GRHL3: variants seen among roughly 807,000 people sequenced by gnomAD.
GRHL3 encodes grainyhead-like protein 3 homolog.
Under a neutral mutation model 70.3 loss-of-function variants are expected in GRHL3, and 20 were observed. The observed-to-expected ratio is 0.28, with a 90% confidence interval of 0.20 to 0.41. The LOEUF is 0.41. GRHL3 is among the 10% of genes least tolerant of loss of function. The pLI, the probability that GRHL3 is intolerant of heterozygous loss-of-function variation, is 1.00. For missense variants in GRHL3, 637 were observed against 762.3 expected (o/e 0.84, Z 1.94); for synonymous variants, 299 against 299.9 (o/e 1.00, Z 0.03).
chr1:24,353,858 T>C (rs1010939209), intron 15 of GRHL3, among the ~76,000 whole-genome samples: 2 of 152,050 alleles, frequency 1.3e-5, no homozygotes, highest in Non-Finnish European at 2.9e-5. Context: ...CTCAAGTCTA[T>C]CGGACAATCC....
chr1:24,336,002 C>T (rs1464264037), intron 3 of GRHL3, among the ~76,000 whole-genome samples: 1 of 152,174 alleles, frequency 6.6e-6, no homozygotes, highest in Admixed American at 6.5e-5. Context: ...TCCTATAATC[C>T]TGTACCCCTC....
At chr1:24,344,485 G>GGAAAA (rs1640167015) in intron 11 of GRHL3, among the ~76,000 whole-genome samples, 1 of 55,778 alleles carries the variant, frequency 1.8e-5, no homozygotes, top group African/African-American at 6.5e-5. Flanking sequence ...TTTCCCCCCA[G>GGAAAA]AAAAAAAAAA....
Position 24,354,400 on chromosome 1 carries a change from T to A in GRHL3, c.1721T>A (p.Ile574Asn). The change falls in exon 16 of 16, where the codon ATC becomes AAC. Residue 574 changes from isoleucine (I) to asparagine (N), a missense_variant. Ile to Asn is a moderately radical substitution (Grantham distance 149). Coordinates refer to ENST00000361548, the MANE Select transcript of GRHL3 (RefSeq NM_198173.3). ...ATCTTAGTCAACATGGACAACAACA[T>A]CATTCAGCATTACAGCAACCACGTC... The part of the protein sequence containing the change: ...RGILVNMDNN[I>N]IQHYSNHVAF... The A allele has an allele frequency of 6.2e-7, 1 of 1,613,526 alleles. No homozygotes were observed. Among genetic ancestry groups the A allele is most frequent in the Non-Finnish European group, 8.5e-7 (1 of 1,179,502 alleles).
chr1:24,337,844 C>T, intron 6 of GRHL3, 55 bp downstream of exon 6: 1 of 1,609,134 alleles, frequency 6.2e-7, no homozygotes, highest in Non-Finnish European at 8.5e-7. Flanking sequence ...GATATACCTC[C>T]TCCTTGGGCT....
chr1:24,362,986 A>G (rs545823022), intron 15 of GRHL3, among the ~76,000 whole-genome samples: 2 of 152,306 alleles, frequency 1.3e-5, no homozygotes, highest in African/African-American at 4.8e-5. Flanking sequence ...TCCCCCTTCA[A>G]AACACCTCCA....
chr1:24,335,983 A>C (rs773020254), intron 3 of GRHL3, among the ~76,000 whole-genome samples: 19 of 152,290 alleles, frequency 1.2e-4, no homozygotes, highest in Non-Finnish European at 2.2e-4. Context: ...TATAAAGTAA[A>C]AAAAAAATTC....
At chr1:24,345,260 C>CCCTCCACACCTGTGCA in intron 12 of GRHL3, among the ~76,000 whole-genome samples, 1 of 98,128 alleles carries the variant, frequency 1.0e-5, no homozygotes, top group East Asian at 3.0e-4. Context: ...CACCTGTGCC[C>CCCTCCACACCTGTGCA]CCTCCACACC....
At chr1:24,351,000 TG>T (rs1245433975) in intron 15 of GRHL3, among the ~76,000 whole-genome samples, 1 of 152,192 alleles carries the variant, frequency 6.6e-6, no homozygotes, top group African/African-American at 2.4e-5. Context: ...TTCACCAGCC[TG>T]GCATAGGGCC....
At chr1:24,350,805 C>T (rs1423085455) in intron 15 of GRHL3, among the ~76,000 whole-genome samples, 1 of 152,230 alleles carries the variant, frequency 6.6e-6, no homozygotes, top group Non-Finnish European at 1.5e-5. Context: ...AAGCTGTACC[C>T]TCCAGGGGGC....
At chr1:24,361,152 G>C (rs1641086768) in intron 15 of GRHL3, 2 of 1,044,146 alleles carry the variant, frequency 1.9e-6, no homozygotes, top group African/African-American at 1.6e-5. Flanking sequence ...GAAGAGGACT[G>C]GTCACGGCAC....
At chr1:24,325,587 C>T (rs980760194) in intron 1 of GRHL3, among the ~76,000 whole-genome samples, 4 of 152,166 alleles carry the variant, frequency 2.6e-5, no homozygotes, top group Non-Finnish European at 4.4e-5. Flanking sequence ...TGGGATGAAA[C>T]CCCACTTTAC....
chr1:24,340,079 GA>G (rs1219109061), intron 8 of GRHL3, among the ~76,000 whole-genome samples: 2 of 152,168 alleles, frequency 1.3e-5, no homozygotes, highest in African/African-American at 4.8e-5. Flanking sequence ...GAGCAGGTGA[GA>G]TAAGTAAAAG....
At position 24,326,053 on chromosome 1, in the gene GRHL3, C is replaced by T. The variant is rs945538930; in HGVS notation, c.18-5373C>T. 3.9e-5 allele frequency among the ~76,000 whole-genome samples: 6 copies of T among 152,334 alleles called. No individual in the cohort carries two copies. In the South Asian group the frequency reaches 1.2e-3, roughly 32 times the overall value. On this transcript the variant is annotated intron_variant, in intron 1 of 15. Coordinates refer to ENST00000361548, the MANE Select transcript of GRHL3 (RefSeq NM_198173.3). ...ATGAGGACAGTCATAACTTCCCTCC[C>T]TACCTGACAGGGGCGTTGTAAGATC... is the stretch of plus-strand genomic sequence containing the variant.
At position 24,354,928 on chromosome 1, in the gene GRHL3, C is replaced by T. The variant is rs1640658317; in HGVS notation, c.*440C>T. 1 of 156,554 alleles carries T rather than the reference C, an allele frequency of 6.4e-6. No individual in the cohort carries two copies. Among genetic ancestry groups the T allele is most frequent in the Non-Finnish European group, 1.4e-5 (1 of 70,594 alleles). The allele number at this position is 156,554 out of a possible 1,614,324, so 9.7% of individuals were successfully genotyped here. On this transcript the variant is annotated 3_prime_UTR_variant, in exon 16 of 16. Coordinates refer to ENST00000361548, the MANE Select transcript of GRHL3 (RefSeq NM_198173.3). ...CAACTTCAGACAAAGGATTTCTCAA[C>T]CTTTGGTCAGTTAACTTGAAAACTC...
Position 24,346,663 on chromosome 1 carries a change from T to C in GRHL3, c.1543+22T>C, listed in dbSNP as rs201462199. ...AGAGGTGACCTCCCGCCCTCCTCAT[T>C]TACTCACCAGGCCCACCCCAGCTCC... On this transcript the variant is annotated intron_variant, in intron 13 of 15. Coordinates refer to ENST00000361548, the MANE Select transcript of GRHL3 (RefSeq NM_198173.3). 1.1e-3 allele frequency: 1,772 copies of C among 1,583,146 alleles called. 4 individuals are homozygous for C. The highest frequency in any genetic ancestry group is 1.4e-3 in the Non-Finnish European group (1,657 of 1,154,768).
chr1:24,319,642 G>GC, intron 1 of GRHL3, 74 bp downstream of exon 1: 1 of 1,612,234 alleles, frequency 6.2e-7, no homozygotes, highest in Non-Finnish European at 8.5e-7. Context: ...AGGGGGAAGA[G>GC]CGGGGAGGCC....
chr1:24,320,679 T>C (rs1639147964), intron 1 of GRHL3, among the ~76,000 whole-genome samples: 1 of 152,242 alleles, frequency 6.6e-6, no homozygotes, highest in African/African-American at 2.4e-5. Flanking sequence ...GATTCTATGT[T>C]CTAGCTAGCC....
chr1:24,347,366 A>G, intron 13 of GRHL3, 102 bp from the exon 14 acceptor site: 2 of 1,019,344 alleles, frequency 2.0e-6, no homozygotes, highest in Non-Finnish European at 3.1e-6. Flanking sequence ...AAAGACCCGC[A>G]GCAGAAGTCA....
rs561680535 is a variant in GRHL3 at position 24,333,155 on chromosome 1, C to T, written c.205-1490C>T. Among the ~76,000 whole-genome samples, 14 of 152,262 alleles carry T rather than the reference C, an allele frequency of 9.2e-5. 1 individual carries two copies. Among genetic ancestry groups the T allele is most frequent in the African/African-American group, 2.6e-4 (11 of 41,556 alleles). The stretch of plus-strand genomic sequence containing the variant: ...GTGACATTGATAATACTGGTTTTAG[C>T]GAAGTACAGTGTCTCAGTGAGATAC... On this transcript the variant is annotated intron_variant, in intron 2 of 15. Coordinates refer to ENST00000361548, the MANE Select transcript of GRHL3 (RefSeq NM_198173.3).
Sources: allele counts gnomAD v4.1 joint callset (sites outside exome capture counted in the v4.1 genomes callset), GRCh38; gene constraint gnomAD v4.1.1; transcripts MANE v1.5; gene names NCBI Gene and HGNC (gene_info 2026-07-23, HGNC 2026-07-21).